Variants in WWOX observed in about 807,000 individuals in gnomAD.
WWOX encodes the protein WW domain-containing oxidoreductase.
Under a neutral mutation model 46.2 loss-of-function variants are expected in WWOX, and 69 were observed. The observed-to-expected ratio is 1.49, with a 90% CI of 1.23 to 1.82. The LOEUF (loss-of-function observed/expected upper bound fraction) is 1.82. Ranked by LOEUF, WWOX falls within the 40% of genes most tolerant of loss-of-function variation. WWOX has a pLI of 0.00. For synonymous variants in WWOX, 359 were observed against 202.6 expected, an observed-to-expected ratio of 1.77 and a Z score of -6.56; for missense variants, 919 against 542.6, an observed-to-expected ratio of 1.69 and a Z score of -6.89.
chr16:78,232,322 G>A (rs9922034), intron 5 of WWOX, among the ~76,000 whole-genome samples: 101,146 of 152,034 alleles, frequency 0.67, 33,881 homozygotes, highest in East Asian at 0.78. Context: ...GAGTTTCTAC[G>A]TGATCTTATT....
chr16:78,894,380 G>T (rs1263033871), intron 8 of WWOX, among the ~76,000 whole-genome samples: 1 of 152,068 alleles, frequency 6.6e-6, no homozygotes, highest in East Asian at 1.9e-4. Context: ...GTATAATATT[G>T]AACTTCAAAG....
chr16:78,947,177 A>G (rs1380633717), intron 8 of WWOX, among the ~76,000 whole-genome samples: 1 of 152,092 alleles, frequency 6.6e-6, no homozygotes, highest in Non-Finnish European at 1.5e-5. Context: ...TACCCAAAAG[A>G]GAAAACCCCA....
rs189781271 is a variant in WWOX at position 78,963,700 on chromosome 16, C to T, written c.1057-247908C>T. On this transcript the variant is annotated intron_variant, in intron 8 of 8. Transcript: ENST00000566780. ...TATGGACTTTCTGCCAGACATTGCA[C>T]TATGCACTTAACACACAGACACATA... is the stretch of plus-strand genomic sequence containing the variant. Among the ~76,000 whole-genome samples the T allele has an allele frequency of 1.9e-3, 286 of 152,300 alleles. 1 individual carries two copies. The highest frequency in any genetic ancestry group is 6.5e-3 in the African/African-American group (269 of 41,548).
At chr16:78,631,037 A>G (rs377179129) in intron 8 of WWOX, among the ~76,000 whole-genome samples, 2 of 152,310 alleles carry the variant, frequency 1.3e-5, no homozygotes, top group African/African-American at 4.8e-5. Context: ...TATCGTGTTT[A>G]TATTGTATTA....
At chr16:78,840,504 G>C (rs1290113483) in intron 8 of WWOX, among the ~76,000 whole-genome samples, 4 of 152,306 alleles carry the variant, frequency 2.6e-5, no homozygotes, top group South Asian at 2.1e-4. Context: ...TAATTATGTA[G>C]TGTCTACAGA....
chr16:79,184,122 A>G (rs1328705670), intron 8 of WWOX, among the ~76,000 whole-genome samples: 5 of 152,184 alleles, frequency 3.3e-5, no homozygotes, highest in Non-Finnish European at 7.4e-5. Context: ...ACAATCACTG[A>G]AAAATCTTCT....
At chr16:78,664,298 C>A (rs1033355689) in intron 8 of WWOX, among the ~76,000 whole-genome samples, 1 of 152,200 alleles carries the variant, frequency 6.6e-6, no homozygotes, top group Admixed American at 6.5e-5. Flanking sequence ...CATGTACACA[C>A]CCTGACTCCC....
intron 8 of WWOX, among the ~76,000 whole-genome samples, chr16:78,956,454 C>T (rs906623775): frequency 2.0e-5 from 3 of 152,132 alleles, no homozygotes; most frequent in African/African-American, 4.8e-5. Context: ...CACTCTAGGC[C>T]TGTATTTGTT....
At chr16:78,438,907 G>C (rs2083388537) in intron 8 of WWOX, among the ~76,000 whole-genome samples, 2 of 152,162 alleles carry the variant, frequency 1.3e-5, no homozygotes, top group South Asian at 4.1e-4. Context: ...CTTCGTGAAA[G>C]CCAAACGGGG....
chr16:78,733,944 C>T (rs550879034), intron 8 of WWOX, among the ~76,000 whole-genome samples: 63 of 151,876 alleles, frequency 4.1e-4, no homozygotes, highest in African/African-American at 1.3e-3. Flanking sequence ...CCTGTGGTCC[C>T]AGGTAGTTGG....
At chr16:78,775,685 C>T (rs2050173178) in intron 8 of WWOX, among the ~76,000 whole-genome samples, 1 of 152,146 alleles carries the variant, frequency 6.6e-6, no homozygotes, top group Non-Finnish European at 1.5e-5. Flanking sequence ...ATGGTGCGAG[C>T]AATGGTTCAC....
At chr16:78,857,135 A>G (rs1443575897) in intron 8 of WWOX, among the ~76,000 whole-genome samples, 1 of 152,238 alleles carries the variant, frequency 6.6e-6, no homozygotes, top group Non-Finnish European at 1.5e-5. Flanking sequence ...GATAGTGCTT[A>G]AATAATTTAT....
chr16:79,054,261 C>T (rs897525282), intron 8 of WWOX, among the ~76,000 whole-genome samples: 5 of 152,272 alleles, frequency 3.3e-5, no homozygotes, highest in South Asian at 4.1e-4. Flanking sequence ...AGTGTCTATA[C>T]GATAGCTACT....
intron 8 of WWOX, among the ~76,000 whole-genome samples, chr16:78,943,405 AG>A (rs2045890384): frequency 6.7e-6 from 1 of 149,892 alleles, no homozygotes; most frequent in African/African-American, 2.5e-5. Context: ...CCACTCCCCC[AG>A]GCCAGATAAC....
At chr16:78,908,463 C>T (rs550535072) in intron 8 of WWOX, among the ~76,000 whole-genome samples, 4 of 151,214 alleles carry the variant, frequency 2.6e-5, no homozygotes, top group Admixed American at 1.3e-4. Context: ...CTGCTTGAAC[C>T]TGGGAGGCAG....
rs568069961 is a variant in WWOX, at chr16:78,721,707, G to T, written c.1056+288955G>T. Among the ~76,000 whole-genome samples, 13 of 152,322 alleles carry T rather than the reference G, an allele frequency of 8.5e-5. No individual in the cohort carries two copies. The East Asian group carries it at 2.5e-3, about 29-fold the overall frequency. ...CTGAGCCTCTCGGAAATATTGGCTG[G>T]CCAGTAGCATCCTCACAGAGTTTTT... On this transcript the variant is annotated intron_variant, in intron 8 of 8. Transcript: ENST00000566780.
intron 8 of WWOX, among the ~76,000 whole-genome samples, chr16:78,936,177 G>A (rs1268496997): frequency 6.6e-6 from 1 of 152,056 alleles, no homozygotes; most frequent in Admixed American, 6.5e-5. Flanking sequence ...GAGAAGGCAA[G>A]ATGAGAAGAT....
At chr16:79,194,670 C>T (rs888832006) in intron 8 of WWOX, among the ~76,000 whole-genome samples, 1 of 152,200 alleles carries the variant, frequency 6.6e-6, no homozygotes, top group Non-Finnish European at 1.5e-5. Context: ...CACTGCCTTT[C>T]TGTTCTACAG....
At chr16:78,123,458 TTTTTTTTTTGTTTTTTTG>T (rs2033217323) in intron 4 of WWOX, 2 of 105,652 alleles carry the variant, frequency 1.9e-5, no homozygotes, top group African/African-American at 4.3e-5. Flanking sequence ...TTTTTTTGTT[TTTTTTTTTTGTTTTTTTG>T]AGATGAAGTC....
Sources: allele counts gnomAD v4.1 joint callset (sites outside exome capture counted in the v4.1 genomes callset), GRCh38; gene constraint gnomAD v4.1.1; transcripts MANE v1.5; gene names NCBI Gene and HGNC (gene_info 2026-07-23, HGNC 2026-07-21).